PKP1: variants seen among roughly 807,000 people sequenced by gnomAD.
PKP1 encodes the protein plakophilin 1.
PKP1 carries 27 observed loss-of-function variants against 76.4 expected under a neutral mutation model. That is an observed-to-expected ratio of 0.35 (90% CI 0.26 to 0.49). The LOEUF (loss-of-function observed/expected upper bound fraction) is 0.49, where lower values mean the gene tolerates loss of function less well. Among genes scored for constraint, PKP1 ranks in the 20% least tolerant of loss-of-function variants. The pLI is 0.99. For synonymous variants in PKP1, 404 were observed against 384.2 expected, an observed-to-expected ratio of 1.05 and a Z score of -0.60; for missense variants, 964 against 955.2, an observed-to-expected ratio of 1.01 and a Z score of -0.12.
At chr1:201,310,752 T>C (rs1656524879) in intron 2 of PKP1, among the ~76,000 whole-genome samples, 1 of 152,162 alleles carries the variant, frequency 6.6e-6, no homozygotes, top group African/African-American at 2.4e-5. Context: ...CACTAGGAGC[T>C]GGGGTGGGGT....
chr1:201,324,281 T>C, intron 9 of PKP1, 147 bp from the exon 10 acceptor site: 2 of 785,296 alleles, frequency 2.5e-6, no homozygotes, highest in South Asian at 1.5e-5. Flanking sequence ...CCTAGGTTTC[T>C]GTAGTTGCCC....
chr1:201,313,029 G>T, intron 2 of PKP1, 137 bp from the exon 3 acceptor site: 1 of 890,022 alleles, frequency 1.1e-6, no homozygotes, highest in Non-Finnish European at 1.8e-6. Context: ...GATGGCTCAG[G>T]TTCCTTCCAC....
intron 2 of PKP1, among the ~76,000 whole-genome samples, chr1:201,304,688 TAG>T (rs1656325682): frequency 6.6e-6 from 1 of 152,180 alleles, no homozygotes; most frequent in Non-Finnish European, 1.5e-5. Context: ...CCAGAGATGC[TAG>T]AGTTTCTGTA....
intron 2 of PKP1, among the ~76,000 whole-genome samples, chr1:201,311,447 G>A (rs1341428388): frequency 6.6e-6 from 1 of 152,202 alleles, no homozygotes; most frequent in Non-Finnish European, 1.5e-5. Context: ...TGAAGGGGAT[G>A]AGCAGGCTAT....
intron 2 of PKP1, among the ~76,000 whole-genome samples, chr1:201,309,989 T>G (rs1368832038): frequency 6.6e-6 from 1 of 152,318 alleles, no homozygotes; most frequent in South Asian, 2.1e-4. Flanking sequence ...CTGAGACATA[T>G]TTAGACCCAT....
intron 8 of PKP1, among the ~76,000 whole-genome samples, chr1:201,322,646 T>A (rs1722761): frequency 1.3e-5 from 2 of 152,122 alleles, no homozygotes. Flanking sequence ...TCAAACCTAC[T>A]GTCTGAGTCT....
At chr1:201,287,084 C>T (rs1303950893) in intron 1 of PKP1, among the ~76,000 whole-genome samples, 6 of 152,218 alleles carry the variant, frequency 3.9e-5, no homozygotes, top group Non-Finnish European at 5.9e-5. Context: ...TGCTTTGTCT[C>T]ACTGCCTGCT....
chr1:201,325,960 G>A, intron 12 of PKP1, 122 bp downstream of exon 12: 1 of 725,088 alleles, frequency 1.4e-6, no homozygotes, highest in Non-Finnish European at 2.5e-6. Context: ...GACAGTCTGA[G>A]AGACAAAGAC....
At chr1:201,286,118 C>T (rs1264269515) in intron 1 of PKP1, among the ~76,000 whole-genome samples, 1 of 152,228 alleles carries the variant, frequency 6.6e-6, no homozygotes, top group African/African-American at 2.4e-5. Context: ...CTGCGGCCAC[C>T]TCTACTCACT....
intron 2 of PKP1, among the ~76,000 whole-genome samples, chr1:201,299,661 C>T (rs1656168339): frequency 6.6e-6 from 1 of 152,164 alleles, no homozygotes; most frequent in African/African-American, 2.4e-5. Context: ...TTCTTAATTT[C>T]CTCTTTGCTT....
chr1:201,306,054 G>C lies in PKP1; in HGVS notation c.307-7112G>C, dbSNP rs146928413. Among the ~76,000 whole-genome samples the C allele has an allele frequency of 3.7e-4, 56 of 152,322 alleles. No homozygotes were observed. The East Asian group carries it at 8.7e-3, about 24-fold the overall frequency. ...GAGAGCTGCGTCTGAAGTGGCAAAC[G>C]CCTGCCAGGGATTTCCCTTCCAAAA... On this transcript the variant is annotated intron_variant, in intron 2 of 13. Transcript: ENST00000367324.
chr1:201,289,690 A>G (rs1156797687), intron 1 of PKP1, among the ~76,000 whole-genome samples: 1 of 38,178 alleles, frequency 2.6e-5, no homozygotes, highest in South Asian at 5.5e-4. Flanking sequence ...GGAGGAGTGC[A>G]CACACACACA....
Position 201,293,982 on chromosome 1 carries a change from G to A in PKP1, c.243G>A (p.Gly81=), listed in dbSNP as rs1430181757. 1.9e-6 allele frequency: 3 copies of A among 1,613,960 alleles called. No individual in the cohort carries two copies. The highest frequency in any genetic ancestry group is 1.7e-6 in the Non-Finnish European group (2 of 1,179,932). The change falls in exon 2 of 14, where the codon GGG becomes GGA. Residue 81 remains glycine (G), a synonymous_variant. Coordinates refer to ENST00000367324, the MANE Select transcript of PKP1 (RefSeq NM_001005337.3). ...GCTTGGCTGACAATTACAACTATGG[G>A]ACCACCAGCAGGAGCAGCTACTACT... ...YDGLADNYNY[G]TTSRSSYYSK...
intron 12 of PKP1, among the ~76,000 whole-genome samples, chr1:201,326,162 G>A (rs1657122041): frequency 6.6e-6 from 1 of 152,198 alleles, no homozygotes; most frequent in Non-Finnish European, 1.5e-5. Flanking sequence ...GAGGGCATGG[G>A]GTTCACTCCA....
Position 201,325,061 on chromosome 1 carries a change from C to T in PKP1, c.1955C>T (p.Pro652Leu). ...YTVRNLMASQ[P>L]QLAKQYFSSS... The stretch of plus-strand genomic sequence containing the variant: ...GTGAGGAACCTGATGGCCTCGCAGC[C>T]ACAACTGGCCAAGCAGTACTTCTCC... The change falls in exon 11 of 14, where the codon CCA becomes CTA. Residue 652 changes from proline to leucine, a missense_variant. Transcript: ENST00000367324. 1 of 1,614,046 alleles carries T rather than the reference C, an allele frequency of 6.2e-7. No homozygotes were observed. Among genetic ancestry groups the T allele is most frequent in the Non-Finnish European group, 8.5e-7 (1 of 1,180,032 alleles).
chr1:201,304,182 G>A (rs567129076), intron 2 of PKP1, among the ~76,000 whole-genome samples: 3 of 152,310 alleles, frequency 2.0e-5, no homozygotes, highest in African/African-American at 7.2e-5. Context: ...GAGTTGGGGT[G>A]CTCACGGGTA....
chr1:201,291,840 C>T (rs949822021), intron 1 of PKP1, among the ~76,000 whole-genome samples: 1 of 152,242 alleles, frequency 6.6e-6, no homozygotes, highest in Non-Finnish European at 1.5e-5. Context: ...AGGGTCCTGA[C>T]TATGAGTGTG....
chr1:201,300,272 C>T (rs1023714454), intron 2 of PKP1, among the ~76,000 whole-genome samples: 1 of 152,272 alleles, frequency 6.6e-6, no homozygotes, highest in African/African-American at 2.4e-5. Context: ...AAACTGCTGC[C>T]ACTGGGACAC....
chr1:201,287,643 G>A (rs832169), intron 1 of PKP1, among the ~76,000 whole-genome samples: 21,401 of 152,210 alleles, frequency 0.14, 1,925 homozygotes, highest in Non-Finnish European at 0.2. Flanking sequence ...CAGAATTTCC[G>A]TTGGCCTGTT....
Sources: allele counts gnomAD v4.1 joint callset (sites outside exome capture counted in the v4.1 genomes callset), GRCh38; gene constraint gnomAD v4.1.1; transcripts MANE v1.5; gene names NCBI Gene and HGNC (gene_info 2026-07-23, HGNC 2026-07-21).